Variants in GLI3 observed in about 807,000 individuals in gnomAD.
The protein encoded by GLI3 is transcription activator GLI3.
Under a neutral mutation model 100.8 loss-of-function variants are expected in GLI3, and 20 were observed. That is an observed-to-expected ratio of 0.20 (90% CI 0.14 to 0.29). GLI3 has a LOEUF of 0.29. Among genes scored for constraint, GLI3 ranks in the 10% least tolerant of loss-of-function variants. The pLI, the probability that GLI3 is intolerant of heterozygous loss-of-function variation, is 1.00. For synonymous variants in GLI3, 938 were observed against 860.5 expected (o/e 1.09, Z -1.58); for missense variants, 2,040 against 2,128.5 (o/e 0.96, Z 0.82).
At position 42,078,364 on chromosome 7, in the gene GLI3, T is replaced by G. The variant is rs1179719704; in HGVS notation, c.368-1507A>C. The stretch of plus-strand genomic sequence containing the variant: ...TCCCTTGTTTTGATTTTGTCCCTGC[T>G]GCCTTCAAGAATATAAGACTCTGTT... On this transcript the variant is annotated intron_variant, in intron 3 of 14. Coordinates refer to ENST00000395925, the MANE Select transcript of GLI3 (RefSeq NM_000168.6). 2.0e-5 allele frequency among the ~76,000 whole-genome samples: 3 copies of G among 152,312 alleles called. No individual in the cohort carries two copies. The East Asian group carries it at 5.8e-4, about 29-fold the overall frequency.
intron 4 of GLI3, among the ~76,000 whole-genome samples, chr7:42,052,285 T>C (rs1784368006): frequency 6.6e-6 from 1 of 152,184 alleles, no homozygotes; most frequent in Non-Finnish European, 1.5e-5. Context: ...GTGTCCAGGT[T>C]TTTTGTGTGG....
intron 1 of GLI3, among the ~76,000 whole-genome samples, chr7:42,230,891 C>A (rs1788684342): frequency 1.3e-5 from 2 of 152,168 alleles, no homozygotes; most frequent in Admixed American, 1.3e-4. Flanking sequence ...AGAAGGAGAT[C>A]TGGAAGTCAG....
chr7:42,237,015 C>G lies in GLI3; in HGVS notation c.-87G>C, dbSNP rs1040583597. 6 of 151,014 alleles carry G rather than the reference C, an allele frequency of 4.0e-5. No homozygotes were observed. The highest frequency in any genetic ancestry group is 2.1e-4 in the South Asian group (1 of 4,832). The allele number at this position is 151,014 out of a possible 1,614,324, so 9.4% of individuals were successfully genotyped here. A position where few individuals can be genotyped will look rare whatever the true frequency, so the allele number is the denominator to read the frequency against. On this transcript the variant is annotated 5_prime_UTR_variant, in exon 1 of 15. Coordinates refer to ENST00000395925, the MANE Select transcript of GLI3 (RefSeq NM_000168.6). ...CAAGTCCCCGAACTTCCCATAGACC[C>G]GCGGACGGGGCGCAGGCTGGCGGCT... is the stretch of plus-strand genomic sequence containing the variant.
rs375979670 is a variant in GLI3, at chr7:42,045,550, G to A, written c.680-20C>T. The A allele has an allele frequency of 2.6e-5, 42 of 1,612,758 alleles. No homozygotes were observed. Among genetic ancestry groups the A allele is most frequent in the Non-Finnish European group, 2.4e-5 (28 of 1,179,322 alleles). On this transcript the variant is annotated intron_variant, in intron 5 of 14. Coordinates refer to ENST00000395925, the MANE Select transcript of GLI3 (RefSeq NM_000168.6). ...GGGGCGCTAGGAGGAGACAAGAGATGTATGGTTACTAGCGAAAGAAGGTCA... is the reference window on the plus strand; with the variant it reads ...GGGGCGCTAGGAGGAGACAAGAGATATATGGTTACTAGCGAAAGAAGGTCA...
intron 5 of GLI3, among the ~76,000 whole-genome samples, chr7:42,046,765 A>T (rs1784253566): frequency 6.6e-6 from 1 of 152,052 alleles, no homozygotes; most frequent in African/African-American, 2.4e-5. Context: ...ATTTCCACCA[A>T]CTCCCAAGGA....
At position 41,967,873 on chromosome 7, in the gene GLI3, G is replaced by A; in HGVS notation, c.2154C>T (p.Ser718=). The change falls in exon 14 of 15, where the codon TCC becomes TCT. Residue 718 remains serine (S), a synonymous_variant. Coordinates refer to ENST00000395925, the MANE Select transcript of GLI3 (RefSeq NM_000168.6). ...CACTGTTGGAATAGTTGCTGATGGG[G>A]GACTGTTGGCTGCTGCATGAAGACT... ...GGQSSCSSQQ[S]PISNYSNSGL... 6.2e-7 allele frequency: 1 copy of A among 1,614,082 alleles called. No homozygotes were observed. Among genetic ancestry groups the A allele is most frequent in the Non-Finnish European group, 8.5e-7 (1 of 1,180,000 alleles).
chr7:42,147,207 C>T (rs138088434), intron 3 of GLI3, among the ~76,000 whole-genome samples: 61 of 152,248 alleles, frequency 4.0e-4, no homozygotes, highest in Non-Finnish European at 7.6e-4. Flanking sequence ...TGCAAGCCAA[C>T]TAATGAAGGG....
chr7:41,965,864 G>C lies in GLI3; in HGVS notation c.3209C>G (p.Thr1070Ser), dbSNP rs1562658718. ...CAGGGACTCCAGGGTGACGTTCTCG[G>C]TGATGCTGGGAGGACAGGGGGACGA... The part of the protein sequence containing the change: ...FHSSPCPPSI[T>S]ENVTLESLTM... Residue 1070 changes from threonine (T) to serine (S), a missense_variant, in exon 15 of 15, where the codon ACC (threonine) becomes AGC (serine). By Grantham distance (58) the Thr-to-Ser change is moderately conservative (BLOSUM62 1). Transcript: ENST00000395925. The C allele has an allele frequency of 1.2e-6, 2 of 1,613,832 alleles. No homozygotes were observed. Among genetic ancestry groups the C allele is most frequent in the Non-Finnish European group, 1.7e-6 (2 of 1,179,948 alleles).
intron 7 of GLI3, among the ~76,000 whole-genome samples, chr7:42,029,088 T>G (rs1431339751): frequency 6.6e-6 from 1 of 152,194 alleles, no homozygotes; most frequent in Non-Finnish European, 1.5e-5. Context: ...CCTTCAGTGC[T>G]TATTCATAAG....
chr7:42,171,939 T>C (rs1040978625), intron 2 of GLI3, among the ~76,000 whole-genome samples: 3 of 152,124 alleles, frequency 2.0e-5, no homozygotes, highest in Non-Finnish European at 4.4e-5. Flanking sequence ...TACCTTCACA[T>C]TGCCTCTGAG....
intron 3 of GLI3, among the ~76,000 whole-genome samples, chr7:42,091,035 GCCTGTGCAGCC>G (rs1317815798): frequency 7.9e-5 from 12 of 152,244 alleles, no homozygotes; most frequent in African/African-American, 2.9e-4. Context: ...CAGGCATGGG[GCCTGTGCAGCC>G]CCTGGGCCTG....
intron 2 of GLI3, among the ~76,000 whole-genome samples, chr7:42,173,066 A>T (rs970972007): frequency 3.9e-5 from 6 of 152,160 alleles, no homozygotes; most frequent in Non-Finnish European, 8.8e-5. Flanking sequence ...CTTCCCTGCA[A>T]GTCAAATTGT....
At chr7:42,148,186 C>T in intron 3 of GLI3, 40 bp downstream of exon 3, 1 of 1,570,598 alleles carries the variant, frequency 6.4e-7, no homozygotes, top group Non-Finnish European at 8.7e-7. Context: ...CAGCCCTCCC[C>T]ATAGCTCCTG....
chr7:42,142,107 A>G (rs1786582887), intron 3 of GLI3, among the ~76,000 whole-genome samples: 1 of 152,228 alleles, frequency 6.6e-6, no homozygotes, highest in East Asian at 1.9e-4. Context: ...TGAGAATGAC[A>G]TGACTACTCA....
chr7:42,180,880 C>T (rs1787577326), intron 2 of GLI3, among the ~76,000 whole-genome samples: 1 of 152,218 alleles, frequency 6.6e-6, no homozygotes, highest in Admixed American at 6.5e-5. Context: ...ACTCTAAAAT[C>T]CTCTGGCAAA....
intron 10 of GLI3, among the ~76,000 whole-genome samples, chr7:42,007,732 A>C (rs1788496694): frequency 6.6e-6 from 1 of 152,188 alleles, no homozygotes; most frequent in Admixed American, 6.5e-5. Context: ...AAACTAAAAA[A>C]ATCTAAGAAG....
chr7:42,015,584 C>G (rs1788736026), intron 10 of GLI3, among the ~76,000 whole-genome samples: 1 of 151,864 alleles, frequency 6.6e-6, no homozygotes, highest in Non-Finnish European at 1.5e-5. Flanking sequence ...AAGTTGGAGT[C>G]TGTGTGACTT....
At chr7:42,041,176 T>C (rs1028216855) in intron 6 of GLI3, among the ~76,000 whole-genome samples, 2 of 152,208 alleles carry the variant, frequency 1.3e-5, no homozygotes, top group African/African-American at 2.4e-5. Context: ...CTTGTTTCTC[T>C]AGTCAGACCC....
Position 42,233,189 on chromosome 7 carries a change from T to C in GLI3, c.-43+3782A>G, listed in dbSNP as rs1788727914. On this transcript the variant is annotated intron_variant, in intron 1 of 14. Transcript: ENST00000395925. ...TTATGGCAATTTTTAAAAAAGAGAA[T>C]GAAATATCTAAAGTGGCTCTAAATT... 2.0e-5 allele frequency among the ~76,000 whole-genome samples: 3 copies of C among 152,224 alleles called. No homozygotes were observed. In the South Asian group the frequency reaches 6.2e-4, roughly 32 times the overall value.
Sources: allele counts gnomAD v4.1 joint callset (sites outside exome capture counted in the v4.1 genomes callset), GRCh38; gene constraint gnomAD v4.1.1; transcripts MANE v1.5; gene names NCBI Gene and HGNC (gene_info 2026-07-23, HGNC 2026-07-21).